The following SLC14A2 variants were observed in gnomAD, a reference collection of about 807,000 sequenced individuals.
SLC14A2 encodes the protein urea transporter 2.
Under a neutral mutation model 104.6 loss-of-function variants are expected in SLC14A2, and 91 were observed. The observed-to-expected ratio is 0.87, with a 90% CI of 0.73 to 1.04. The LOEUF (loss-of-function observed/expected upper bound fraction) is 1.04. Ranked by LOEUF, SLC14A2 falls within the 50% of genes least tolerant of loss-of-function variation. SLC14A2 has a pLI of 0.00. For missense variants in SLC14A2, 1,189 were observed against 1,156.0 expected (o/e 1.03, Z -0.41); for synonymous variants, 476 against 466.4 (o/e 1.02, Z -0.27).
intron 2 of SLC14A2, among the ~76,000 whole-genome samples, chr18:45,495,396 T>C (rs2043076630): frequency 6.6e-6 from 1 of 152,168 alleles, no homozygotes; most frequent in Non-Finnish European, 1.5e-5. Flanking sequence ...TATTTCTATT[T>C]TAAATTAAAC....
rs139773468 is a variant in SLC14A2, at chr18:45,601,869, G to T, written c.-34-22762G>T. On this transcript the variant is annotated intron_variant, in intron 2 of 20. Coordinates refer to the SLC14A2 transcript ENST00000586448. ...GACTTACACTTCCTTGGACAAGATT[G>T]CAAGCATTTTCTTTGGTCTTATCCA... 1.1e-3 allele frequency among the ~76,000 whole-genome samples: 166 copies of T among 152,332 alleles called. 2 individuals are homozygous for T. Among genetic ancestry groups the T allele is most frequent in the African/African-American group, 3.8e-3 (158 of 41,570 alleles).
chr18:45,227,030 T>G (rs188255620), intron 1 of SLC14A2, among the ~76,000 whole-genome samples: 140 of 152,190 alleles, frequency 9.2e-4, no homozygotes, highest in African/African-American at 3.1e-3. Context: ...ACATTACATC[T>G]GTATTCAAGG....
intron 1 of SLC14A2, among the ~76,000 whole-genome samples, chr18:45,428,828 A>G (rs1289333026): frequency 6.6e-6 from 1 of 152,264 alleles, no homozygotes; most frequent in Non-Finnish European, 1.5e-5. Context: ...TTTAATAAGT[A>G]CAGAGAACAT....
intron 1 of SLC14A2, among the ~76,000 whole-genome samples, chr18:45,221,803 G>C (rs561527752): frequency 6.6e-6 from 1 of 152,026 alleles, no homozygotes; most frequent in African/African-American, 2.4e-5. Context: ...GTAGAGGTCA[G>C]CAAAGACTTC....
At chr18:45,235,957 A>G (rs889940956) in intron 1 of SLC14A2, among the ~76,000 whole-genome samples, 19 of 96,132 alleles carry the variant, frequency 2.0e-4, no homozygotes, top group East Asian at 1.7e-3. Flanking sequence ...GTGTGTATAT[A>G]TGTATATATA....
chr18:45,421,252 G>T (rs1196022084), intron 1 of SLC14A2, among the ~76,000 whole-genome samples: 2 of 144,506 alleles, frequency 1.4e-5, no homozygotes, highest in Non-Finnish European at 1.5e-5. Context: ...ATTTAACATC[G>T]ATCCTTTTTT....
chr18:45,357,859 GCA>G (rs907200724), intron 1 of SLC14A2, among the ~76,000 whole-genome samples: 17 of 152,330 alleles, frequency 1.1e-4, no homozygotes, highest in African/African-American at 3.6e-4. Context: ...CAGCTCTGAA[GCA>G]CAGAGTTTTT....
intron 2 of SLC14A2, among the ~76,000 whole-genome samples, chr18:45,590,739 G>GTC (rs2044635835): frequency 6.6e-6 from 1 of 152,204 alleles, no homozygotes; most frequent in South Asian, 2.1e-4. Flanking sequence ...TGACCCAGCT[G>GTC]CCAGGGACAG....
In SLC14A2 at chr18:45,522,204, C is replaced by T. The variant is rs141277344; in HGVS notation, c.-35+38882C>T. On this transcript the variant is annotated intron_variant, in intron 2 of 20. Coordinates refer to the SLC14A2 transcript ENST00000586448. ...AAAGCACCTTAAGAAATAGAAAGTG[C>T]TGTAGGAAAGTTGGCAGCGTCAAGT... Among the ~76,000 whole-genome samples, 402 of 152,258 alleles carry T rather than the reference C, an allele frequency of 2.6e-3. 2 individuals carry two copies. The highest frequency in any genetic ancestry group is 9.2e-3 in the African/African-American group (381 of 41,554).
In SLC14A2 at chr18:45,640,285, A is replaced by G. The variant is rs932249303; in HGVS notation, c.991+392A>G. ...AGTGAGACTCCGTCTTAAAAAAAAAAAAAATACATGTGGAGAGATGCAAGG... is the reference window on the plus strand; with the variant it reads ...AGTGAGACTCCGTCTTAAAAAAAAAGAAAATACATGTGGAGAGATGCAAGG... On this transcript the variant is annotated intron_variant, in intron 7 of 19. Transcript: ENST00000255226. 3.3e-5 allele frequency among the ~76,000 whole-genome samples: 5 copies of G among 152,154 alleles called. 1 individual carries two copies. The highest frequency in any genetic ancestry group is 6.5e-5 in the Admixed American group (1 of 15,276).
chr18:45,240,816 C>T (rs2084307759), intron 1 of SLC14A2, among the ~76,000 whole-genome samples: 3 of 151,824 alleles, frequency 2.0e-5, no homozygotes, highest in Non-Finnish European at 2.9e-5. Flanking sequence ...CGCCACTATG[C>T]CCGGCTCATT....
chr18:45,566,466 G>C (rs1006430285), intron 2 of SLC14A2, among the ~76,000 whole-genome samples: 1 of 152,004 alleles, frequency 6.6e-6, no homozygotes, highest in Non-Finnish European at 1.5e-5. Flanking sequence ...CTGATGGCAG[G>C]CCTCTCCCTG....
chr18:45,467,835 A>T (rs982616416), intron 1 of SLC14A2, among the ~76,000 whole-genome samples: 6 of 152,220 alleles, frequency 3.9e-5, no homozygotes, highest in Admixed American at 3.9e-4. Flanking sequence ...GAGAACAAAA[A>T]AAACACACTG....
chr18:45,261,454 A>T (rs1481364398), intron 1 of SLC14A2, among the ~76,000 whole-genome samples: 3 of 151,812 alleles, frequency 2.0e-5, no homozygotes, highest in Non-Finnish European at 2.9e-5. Flanking sequence ...CATATGCACA[A>T]TGTGCAGGTT....
chr18:45,495,629 A>C (rs34381480), intron 2 of SLC14A2, among the ~76,000 whole-genome samples: 22,798 of 152,166 alleles, frequency 0.15, 1,812 homozygotes, highest in Middle Eastern at 0.24. Flanking sequence ...TTACTGAAGC[A>C]AGTCATTGCC....
intron 1 of SLC14A2, among the ~76,000 whole-genome samples, chr18:45,281,160 C>T (rs2084758513): frequency 6.6e-6 from 1 of 152,174 alleles, no homozygotes; most frequent in Non-Finnish European, 1.5e-5. Flanking sequence ...GTTTATTTTG[C>T]CTATCACGTC....
chr18:45,564,719 T>C (rs2705371), intron 2 of SLC14A2, among the ~76,000 whole-genome samples: 64,902 of 151,976 alleles, frequency 0.43, 14,092 homozygotes, highest in African/African-American at 0.5. Flanking sequence ...AACACGTGAC[T>C]GTGTACGTGC....
Position 45,682,436 on chromosome 18 carries a change from G to T in SLC14A2, c.2680G>T (p.Ala894Ser). Residue 894 changes from alanine to serine, a missense_variant, in exon 20 of 20, where the codon GCC (alanine) becomes TCC (serine). By Grantham distance (99) the Ala-to-Ser change is moderately conservative. Coordinates refer to ENST00000255226, the MANE Select transcript of SLC14A2 (RefSeq NM_007163.4). Reference sequence around the variant, plus strand: ...GCTCAGCAAAGTCACCTACCCAGAGGCCAACCGCATCTACTACCTGTCCCA... The same window carrying T: ...GCTCAGCAAAGTCACCTACCCAGAGTCCAACCGCATCTACTACCTGTCCCA... ...LPLSKVTYPE[A>S]NRIYYLSQER... 6.2e-7 allele frequency: 1 copy of T among 1,614,124 alleles called. No homozygotes were observed. The highest frequency in any genetic ancestry group is 8.5e-7 in the Non-Finnish European group (1 of 1,180,016).
chr18:45,285,565 G>T (rs558995848), intron 1 of SLC14A2, among the ~76,000 whole-genome samples: 10 of 151,952 alleles, frequency 6.6e-5, no homozygotes, highest in African/African-American at 2.4e-4. Context: ...TTACAGGCAC[G>T]CGTCACCACA....
Sources: gnomAD v4.1 joint callset for allele counts (sites outside exome capture counted in the v4.1 genomes callset) on GRCh38, gnomAD v4.1.1 for gene constraint, MANE v1.5 for transcripts, NCBI Gene and HGNC (gene_info 2026-07-23, HGNC 2026-07-21) for gene names.